The following BPIFB6 variants were observed in gnomAD, a reference collection of about 807,000 sequenced individuals.
BPIFB6 encodes the protein BPI fold containing family B member 6.
A neutral mutation model predicts 54.7 loss-of-function variants in BPIFB6; 47 were observed. The observed-to-expected ratio is 0.86, with a 90% CI of 0.68 to 1.10. The LOEUF (loss-of-function observed/expected upper bound fraction) is 1.10. Ranked by LOEUF, BPIFB6 falls within the 50% of genes least tolerant of loss-of-function variation. The probability of loss-of-function intolerance (pLI) is 0.00; values close to 1 mark genes in which losing one functional copy is unlikely to be tolerated. For synonymous variants in BPIFB6, 255 were observed against 225.9 expected, an observed-to-expected ratio of 1.13 and a Z score of -1.16; for missense variants, 603 against 564.1, an observed-to-expected ratio of 1.07 and a Z score of -0.70.
chr20:33,037,631 G>T lies in BPIFB6; in HGVS notation c.739G>T (p.Glu247Ter), dbSNP rs1378652482. ...ADAGEALTFP[E>*]GYAKGSSQLL... ...TGCCGGGGAGGCCCTCACGTTCCCT[G>T]AGGGTTATGCCAAAGGCTCGTCGCA... The change falls in exon 8 of 15, where the codon GAG becomes TAG. Residue 247 changes from glutamate to a stop codon, truncating the protein, a stop_gained. Coordinates refer to ENST00000349552, the MANE Select transcript of BPIFB6 (RefSeq NM_174897.2). LOFTEE classifies it high-confidence loss of function. 1.2e-6 allele frequency: 2 copies of T among 1,614,132 alleles called. No individual in the cohort carries two copies. The highest frequency in any genetic ancestry group is 2.2e-5 in the East Asian group (1 of 44,874).
At chr20:33,036,168 G>C (rs2146365021) in intron 6 of BPIFB6, among the ~76,000 whole-genome samples, 1 of 152,264 alleles carries the variant, frequency 6.6e-6, no homozygotes, top group South Asian at 2.1e-4. Context: ...CTGTGAAATA[G>C]AGCTGATAAT....
At position 33,035,505 on chromosome 20, in the gene BPIFB6, G is replaced by C. The variant is rs189760349; in HGVS notation, c.517-107G>C. 423 of 1,188,174 alleles carry C rather than the reference G, an allele frequency of 3.6e-4. 2 individuals carry two copies. In the African/African-American group the frequency reaches 5.4e-3, roughly 15 times the overall value. 73.6% of individuals were successfully genotyped at this position (1,188,174 alleles called of 1,614,324 possible). A position where few individuals can be genotyped will look rare whatever the true frequency, so the allele number is the denominator to read the frequency against. ...ACTTGGGACCTCAGTTTTCTCCCCA[G>C]TCCCTGTCCCACCAGGGCTCTTGGG... On this transcript the variant is annotated intron_variant, in intron 5 of 14. Transcript: ENST00000349552.
At chr20:33,039,795 C>T (rs1410749313) in intron 10 of BPIFB6, among the ~76,000 whole-genome samples, 1 of 152,204 alleles carries the variant, frequency 6.6e-6, no homozygotes, top group Non-Finnish European at 1.5e-5. Context: ...ACTGTGGGTG[C>T]CTAGGGAGAT....
intron 4 of BPIFB6, 63 bp from the exon 5 acceptor site, chr20:33,035,013 ATGTCC>A (rs1259474636): frequency 5.0e-6 from 8 of 1,609,494 alleles, no homozygotes; most frequent in Non-Finnish European, 8.5e-7. Context: ...ATGCCCCTTC[ATGTCC>A]TGTGCCTAAA....
chr20:33,034,303 G>A lies in BPIFB6; in HGVS notation c.302+13G>A, dbSNP rs369223718. Reference sequence around the variant, plus strand: ...TCACTGGCAAGAGGTGAGTGTGGCAGGGGAGGGGCAGCGGGGAGGAGAACG... The same window carrying A: ...TCACTGGCAAGAGGTGAGTGTGGCAAGGGAGGGGCAGCGGGGAGGAGAACG... On this transcript the variant is annotated intron_variant, in intron 3 of 14. Transcript: ENST00000349552. 39 of 1,586,186 alleles carry A rather than the reference G, an allele frequency of 2.5e-5. No individual in the cohort carries two copies. The highest frequency in any genetic ancestry group is 3.3e-5 in the Non-Finnish European group (38 of 1,154,868).
At chr20:33,042,115 G>C in intron 12 of BPIFB6, 100 bp downstream of exon 12, 1 of 1,262,830 alleles carries the variant, frequency 7.9e-7, no homozygotes, top group Non-Finnish European at 1.1e-6. Flanking sequence ...GGAGGCAGAT[G>C]AACAGAGCAA....
At position 33,041,029 on chromosome 20, in the gene BPIFB6, G is replaced by A. The variant is rs543472631; in HGVS notation, c.1142+711G>A. 4.8e-5 allele frequency among the ~76,000 whole-genome samples: 6 copies of A among 124,266 alleles called. No homozygotes were observed. In the East Asian group the frequency reaches 1.2e-3, roughly 25 times the overall value. The allele number at this position is 124,266 out of a possible 152,430, so 81.5% of individuals were successfully genotyped here. A position where few individuals can be genotyped will look rare whatever the true frequency, so the allele number is the denominator to read the frequency against. ...TTTTGAGACAGAGTCTCGCTCTGTT[G>A]CCCAGGCTGGAGTGCAGTGGCGCAA... On this transcript the variant is annotated intron_variant, in intron 11 of 14. Coordinates refer to ENST00000349552, the MANE Select transcript of BPIFB6 (RefSeq NM_174897.2).
At chr20:33,038,811 G>C in intron 8 of BPIFB6, 98 bp from the exon 9 acceptor site, 1 of 1,139,584 alleles carries the variant, frequency 8.8e-7, no homozygotes, top group Non-Finnish European at 1.3e-6. Flanking sequence ...GTGATGAAGG[G>C]AGCCTCAAAG....
intron 6 of BPIFB6, among the ~76,000 whole-genome samples, chr20:33,035,966 C>G (rs1488272210): frequency 6.6e-6 from 1 of 152,152 alleles, no homozygotes; most frequent in Non-Finnish European, 1.5e-5. Context: ...ATGTAGTAAT[C>G]CCGATGGTAG....
intron 11 of BPIFB6, among the ~76,000 whole-genome samples, chr20:33,040,897 C>T (rs1051305219): frequency 3.9e-5 from 6 of 151,996 alleles, no homozygotes; most frequent in East Asian, 3.8e-4. Context: ...GGATTCTTTC[C>T]GTTGCAAGAG....
At chr20:33,040,118 A>T (rs1462184117) in intron 10 of BPIFB6, 133 bp from the exon 11 acceptor site, 3 of 790,422 alleles carry the variant, frequency 3.8e-6, no homozygotes, top group Non-Finnish European at 6.3e-6. Flanking sequence ...GTTCCTGAGG[A>T]TGGGCAGAGA....
In BPIFB6 at chr20:33,037,584, G is replaced by A. The variant is rs1979396857; in HGVS notation, c.692G>A (p.Gly231Asp). 3 of 1,612,942 alleles carry A rather than the reference G, an allele frequency of 1.9e-6. No homozygotes were observed. Among genetic ancestry groups the A allele is most frequent in the Non-Finnish European group, 1.7e-6 (2 of 1,179,248 alleles). The change falls in exon 8 of 15, where the codon GGC (glycine) becomes GAC (aspartate). Residue 231 changes from glycine (G) to aspartate (D), a missense_variant. Transcript: ENST00000349552. Reference protein sequence around the residue: ...DFSPVVQQQKGKTIKLADAGE... With the variant: ...DFSPVVQQQKDKTIKLADAGE... ...TAGCCTGTGGTGCAGCAGCAAAAGG[G>A]CAAAACCATCAAGCTTGCTGATGCC...
At position 33,038,181 on chromosome 20, in the gene BPIFB6, ACCACCCAAACACCACTACAT is replaced by A. The variant is rs571395393; in HGVS notation, c.846+452_846+471del. On this transcript the variant is annotated intron_variant, in intron 8 of 14. Transcript: ENST00000349552. ...GAATGAATGTATGCACCTGCCATGTACCACCCAAACACCACTACATCCACCCAACTTTCCTTTATCCATCC... is the reference window on the plus strand; with the variant it reads ...GAATGAATGTATGCACCTGCCATGTACCACCCAACTTTCCTTTATCCATCC... Among the ~76,000 whole-genome samples, 15 of 152,216 alleles carry A rather than the reference ACCACCCAAACACCACTACAT, an allele frequency of 9.9e-5. No homozygotes were observed. The East Asian group carries it at 2.7e-3, about 27-fold the overall frequency.
chr20:33,037,312 T>C (rs1317229920), intron 7 of BPIFB6, among the ~76,000 whole-genome samples: 1 of 152,222 alleles, frequency 6.6e-6, no homozygotes, highest in Non-Finnish European at 1.5e-5. Flanking sequence ...CAACTGAGGC[T>C]ACTAAAGCAG....
At position 33,043,997 on chromosome 20, in the gene BPIFB6, C is replaced by A. The variant is rs1018929404; in HGVS notation, c.1330-18C>A. 5.6e-6 allele frequency: 9 copies of A among 1,614,166 alleles called. No individual in the cohort carries two copies. Among genetic ancestry groups the A allele is most frequent in the Non-Finnish European group, 7.6e-6 (9 of 1,180,016 alleles). On this transcript the variant is annotated intron_variant, in intron 14 of 14. Transcript: ENST00000349552. Reference sequence around the variant, plus strand: ...TGGTCCCTGGTCATTGCTCTCCTACCCCTTTGCCTTTTGCCAGAATGCCCT... The same window carrying A: ...TGGTCCCTGGTCATTGCTCTCCTACACCTTTGCCTTTTGCCAGAATGCCCT...
rs200121872 is a variant in BPIFB6 at position 33,036,427 on chromosome 20, A to G, written c.578-18A>G. On this transcript the variant is annotated intron_variant, in intron 6 of 14. Coordinates refer to ENST00000349552, the MANE Select transcript of BPIFB6 (RefSeq NM_174897.2). Reference sequence around the variant, plus strand: ...CTGGGGTTGGTGCCTCTTTGAGTGGAACCTCCTTTTCACACAGACCCCATG... The same window carrying G: ...CTGGGGTTGGTGCCTCTTTGAGTGGGACCTCCTTTTCACACAGACCCCATG... 1,086 of 1,598,942 alleles carry G rather than the reference A, an allele frequency of 6.8e-4. 5 individuals carry two copies. The highest frequency in any genetic ancestry group is 6.7e-4 in the Middle Eastern group (4 of 5,998).
At chr20:33,038,423 C>T (rs1979437131) in intron 8 of BPIFB6, among the ~76,000 whole-genome samples, 2 of 152,096 alleles carry the variant, frequency 1.3e-5, no homozygotes, top group Non-Finnish European at 2.9e-5. Flanking sequence ...CACCATATTC[C>T]CATCCACTCA....
rs190720549 is a variant in BPIFB6 at position 33,040,759 on chromosome 20, T to C, written c.1142+441T>C. On this transcript the variant is annotated intron_variant, in intron 11 of 14. Transcript: ENST00000349552. Reference sequence around the variant, plus strand: ...TGTGAGGCACTGGCTGCATACATTATATTCATCATCCTATTTCATTCTTAC... The same window carrying C: ...TGTGAGGCACTGGCTGCATACATTACATTCATCATCCTATTTCATTCTTAC... 1.7e-3 allele frequency among the ~76,000 whole-genome samples: 264 copies of C among 152,348 alleles called. 1 individual carries two copies. Among genetic ancestry groups the C allele is most frequent in the African/African-American group, 5.9e-3 (244 of 41,576 alleles).
Position 33,042,092 on chromosome 20 carries a change from G to C in BPIFB6, c.1188+77G>C, listed in dbSNP as rs56353822. On this transcript the variant is annotated intron_variant, in intron 12 of 14. Coordinates refer to ENST00000349552, the MANE Select transcript of BPIFB6 (RefSeq NM_174897.2). The stretch of plus-strand genomic sequence containing the variant: ...TATTCTCCCTCGGAACTACAGGGCC[G>C]AGGCCCTGAAATGGAGGCAGATGAA... The C allele has an allele frequency of 0.015, 21,259 of 1,465,638 alleles. 2,549 individuals are homozygous for C. In the African/African-American group the frequency reaches 0.26, roughly 18 times the overall value. The allele number at this position is 1,465,638 out of a possible 1,614,324, so 90.8% of individuals were successfully genotyped here.
Sources: gnomAD v4.1 joint callset for allele counts (sites outside exome capture counted in the v4.1 genomes callset) on GRCh38, gnomAD v4.1.1 for gene constraint, MANE v1.5 for transcripts, NCBI Gene and HGNC (gene_info 2026-07-23, HGNC 2026-07-21) for gene names.